RYR3: variants seen among roughly 807,000 people sequenced by gnomAD.
RYR3 encodes ryanodine receptor 3.
In RYR3, 207 loss-of-function variants were observed where a neutral mutation model predicts 584.3. The ratio of observed to expected loss-of-function variants is 0.35; its 90% CI spans 0.32 to 0.40. The LOEUF is 0.40. Ranked by LOEUF, RYR3 falls within the 10% of genes least tolerant of loss-of-function variation. The probability of loss-of-function intolerance (pLI) is 1.00; values close to 1 mark genes in which losing one functional copy is unlikely to be tolerated. For missense variants in RYR3, 5,616 were observed against 6,089.2 expected, an observed-to-expected ratio of 0.92 and a Z score of 2.59; for synonymous variants, 2,416 against 2,248.5, an observed-to-expected ratio of 1.07 and a Z score of -2.11.
At chr15:33,597,150 C>G (rs1935369174) in intron 16 of RYR3, among the ~76,000 whole-genome samples, 1 of 152,160 alleles carries the variant, frequency 6.6e-6, no homozygotes, top group South Asian at 2.1e-4. Flanking sequence ...CTGTTTTGGG[C>G]TGGGCTTGTA....
intron 38 of RYR3, among the ~76,000 whole-genome samples, chr15:33,690,062 C>G (rs1318367271): frequency 6.6e-6 from 1 of 152,174 alleles, no homozygotes; most frequent in Non-Finnish European, 1.5e-5. Context: ...GTCCTGGACA[C>G]ATATCAACTT....
At chr15:33,434,633 C>T (rs916641488) in intron 1 of RYR3, among the ~76,000 whole-genome samples, 1 of 152,074 alleles carries the variant, frequency 6.6e-6, no homozygotes, top group Non-Finnish European at 1.5e-5. Context: ...AAACTGAACA[C>T]TCGCATACTT....
chr15:33,533,276 G>A, intron 4 of RYR3, 35 bp from the exon 5 acceptor site: 2 of 1,438,300 alleles, frequency 1.4e-6, no homozygotes, highest in African/African-American at 1.4e-5. Flanking sequence ...CAATGGAAGA[G>A]TGTGACTTCA....
intron 37 of RYR3, among the ~76,000 whole-genome samples, chr15:33,669,841 TGTGGGG>T (rs1566919434): frequency 4.3e-4 from 4 of 9,398 alleles, no homozygotes; most frequent in African/African-American, 1.5e-3. Flanking sequence ...GGTGTGTGTG[TGTGGGG>T]GGGGGGGGGG....
intron 1 of RYR3, among the ~76,000 whole-genome samples, chr15:33,350,532 TA>T (rs1973105064): frequency 6.6e-6 from 1 of 151,096 alleles, no homozygotes; most frequent in Non-Finnish European, 1.5e-5. Flanking sequence ...TCAGCAAATG[TA>T]AAAGAACAGA....
At position 33,384,483 on chromosome 15, in the gene RYR3, A is replaced by AT. The variant is rs1555450576; in HGVS notation, c.51+73388dup. On this transcript the variant is annotated intron_variant, in intron 1 of 103. Coordinates refer to ENST00000634891, the MANE Select transcript of RYR3 (RefSeq NM_001036.6). ...ATATTATATTATAATATTATATTTT[A>AT]TATTATAATAATTATACTATTATTT... 6.2e-5 allele frequency among the ~76,000 whole-genome samples: 9 copies of AT among 145,016 alleles called. No homozygotes were observed. The South Asian group carries it at 1.7e-3, about 27-fold the overall frequency.
At chr15:33,742,517 G>A (rs1370157657) in intron 52 of RYR3, 73 bp downstream of exon 52, 13 of 965,688 alleles carry the variant, frequency 1.3e-5, no homozygotes, top group South Asian at 1.3e-5. Context: ...GCCCAGTCCT[G>A]GAAATCTGCC....
At chr15:33,802,543 G>A (rs576038235) in intron 69 of RYR3, among the ~76,000 whole-genome samples, 184 of 152,166 alleles carry the variant, frequency 1.2e-3, no homozygotes, top group Non-Finnish European at 2.1e-3. Context: ...TCTGTCTGAA[G>A]AAAGACTAAC....
chr15:33,865,081 A>G (rs1395848743), intron 103 of RYR3, 50 bp from the exon 104 acceptor site: 1 of 1,465,094 alleles, frequency 6.8e-7, no homozygotes, highest in African/African-American at 1.4e-5. Flanking sequence ...ACTGGGTTTT[A>G]GCTTTTACTG....
chr15:33,625,164 G>C (rs931489336), intron 20 of RYR3, among the ~76,000 whole-genome samples: 2 of 152,154 alleles, frequency 1.3e-5, no homozygotes, highest in Non-Finnish European at 2.9e-5. Context: ...GGCAGCAGGA[G>C]AGAGAGAGCG....
chr15:33,802,000 C>T (rs2115747), intron 69 of RYR3, 39 bp downstream of exon 69: 488,206 of 1,188,782 alleles, frequency 0.41, 102,198 homozygotes, highest in South Asian at 0.47. Context: ...CTCTTCAACC[C>T]TAACCTCAGC....
chr15:33,823,573 C>T (rs568553216), intron 81 of RYR3, among the ~76,000 whole-genome samples: 4 of 152,208 alleles, frequency 2.6e-5, no homozygotes, highest in Non-Finnish European at 5.9e-5. Flanking sequence ...ATTTTGACAG[C>T]GGTACATCCT....
At chr15:33,703,848 T>C (rs185882954) in intron 42 of RYR3, among the ~76,000 whole-genome samples, 1 of 152,326 alleles carries the variant, frequency 6.6e-6, no homozygotes, top group Admixed American at 6.5e-5. Flanking sequence ...TTGGGTCCCT[T>C]ATAAATCATT....
rs779658280 is a variant in RYR3 at position 33,864,196 on chromosome 15, A to C, written c.14517+7A>C. On this transcript the variant is annotated splice_region_variant and intron_variant, in intron 103 of 103. Transcript: ENST00000634891. The stretch of plus-strand genomic sequence containing the variant: ...AACAGAGCACACGGGTCAGGTGAGA[A>C]ATTAAGAATCATATACCCGTGTTAG... 16 of 1,606,606 alleles carry C rather than the reference A, an allele frequency of 1.0e-5. No homozygotes were observed. The highest frequency in any genetic ancestry group is 1.2e-5 in the Non-Finnish European group (14 of 1,175,184).
intron 1 of RYR3, among the ~76,000 whole-genome samples, chr15:33,452,941 CTCTGAATGTTTGACT>C (rs1211246358): frequency 1.3e-5 from 2 of 152,212 alleles, no homozygotes; most frequent in Admixed American, 6.5e-5. Context: ...GAGGCTCAGT[CTCTGAATGTTTGACT>C]TGTCTGCAAG....
chr15:33,540,562 G>A (rs1427693229), intron 6 of RYR3, among the ~76,000 whole-genome samples: 1 of 152,184 alleles, frequency 6.6e-6, no homozygotes, highest in Non-Finnish European at 1.5e-5. Flanking sequence ...AGGGGATGAA[G>A]TCAACACATG....
chr15:33,724,336 C>T (rs565199642), intron 45 of RYR3, among the ~76,000 whole-genome samples, 160 bp downstream of exon 45: 71 of 152,292 alleles, frequency 4.7e-4, no homozygotes, highest in Non-Finnish European at 6.2e-4. Context: ...ACCTCTGATA[C>T]GTGACTCTGC....
chr15:33,732,007 T>C (rs1277323538), intron 48 of RYR3, among the ~76,000 whole-genome samples: 2 of 152,190 alleles, frequency 1.3e-5, no homozygotes, highest in African/African-American at 4.8e-5. Flanking sequence ...CTCTTCATTC[T>C]CAAGATAGAG....
chr15:33,595,822 T>A lies in RYR3; in HGVS notation c.1789-5597T>A, dbSNP rs571183601. Among the ~76,000 whole-genome samples, 18 of 151,804 alleles carry A rather than the reference T, an allele frequency of 1.2e-4. 1 individual carries two copies. The South Asian group carries it at 2.7e-3, about 23-fold the overall frequency. ...ATGTAATAATGTAATAACCTTAATT[T>A]AAAAAAAAATTTATCTCAGTTTTTT... On this transcript the variant is annotated intron_variant, in intron 16 of 103. Coordinates refer to ENST00000634891, the MANE Select transcript of RYR3 (RefSeq NM_001036.6).
Sources: gnomAD v4.1 joint callset for allele counts (sites outside exome capture counted in the v4.1 genomes callset) on GRCh38, gnomAD v4.1.1 for gene constraint, MANE v1.5 for transcripts, NCBI Gene and HGNC (gene_info 2026-07-23, HGNC 2026-07-21) for gene names.